Variants in INTS13 observed in about 807,000 individuals in gnomAD.
The protein encoded by INTS13 is asunder, spermatogenesis regulator homolog (Drosphila).
In INTS13, 35 loss-of-function variants were observed where a neutral mutation model predicts 90.2. The observed-to-expected ratio is 0.39, with a 90% confidence interval of 0.30 to 0.51. The LOEUF is 0.51. Among genes scored for constraint, INTS13 ranks in the 20% least tolerant of loss-of-function variants. INTS13 has a pLI of 0.80. For synonymous variants in INTS13, 309 were observed against 277.1 expected (o/e 1.11, Z -1.14); for missense variants, 601 against 851.2 (o/e 0.71, Z 3.66).
At position 26,917,654 on chromosome 12, in the gene INTS13, T is replaced by C; in HGVS notation, c.969A>G (p.Thr323=). 6.2e-7 allele frequency: 1 copy of C among 1,613,370 alleles called. No homozygotes were observed. The highest frequency in any genetic ancestry group is 2.2e-5 in the East Asian group (1 of 44,864). Residue 323 remains threonine (T), a synonymous_variant, in exon 9 of 17, where the codon ACA becomes ACG. Coordinates refer to ENST00000261191, the MANE Select transcript of INTS13 (RefSeq NM_018164.3). ...TITLKWCTPR[T]NNIELHYCTG... ...TTCTTAAATACCTACCAATGTTATTTGTCCTTGGTGTACACCACTTTAATG... is the reference window on the plus strand; with the variant it reads ...TTCTTAAATACCTACCAATGTTATTCGTCCTTGGTGTACACCACTTTAATG...
At chr12:26,925,066 CAA>C (rs1308003582) in intron 6 of INTS13, among the ~76,000 whole-genome samples, 2 of 151,998 alleles carry the variant, frequency 1.3e-5, no homozygotes, top group African/African-American at 4.8e-5. Flanking sequence ...GCCACATTAT[CAA>C]AAGAGGCAGA....
chr12:26,936,642 G>GC lies in INTS13; in HGVS notation c.161dup (p.Cys54TrpfsTer11). 1.2e-6 allele frequency: 2 copies of GC among 1,613,532 alleles called. No individual in the cohort carries two copies. Among genetic ancestry groups the GC allele is most frequent in the Non-Finnish European group, 1.7e-6 (2 of 1,179,532 alleles). On this transcript the variant is annotated frameshift_variant, in exon 2 of 17. Transcript: ENST00000261191. LOFTEE classifies it high-confidence loss of function. Reference sequence around the variant, plus strand: ...AATATTCCATGGAAGATTCTACTGAGCAAGTCCACAATGATTTAGATATGG... The same window carrying GC: ...AATATTCCATGGAAGATTCTACTGAGCCAAGTCCACAATGATTTAGATATGG...
At chr12:26,931,307 G>A (rs1938175750) in intron 3 of INTS13, among the ~76,000 whole-genome samples, 1 of 152,066 alleles carries the variant, frequency 6.6e-6, no homozygotes, top group South Asian at 2.1e-4. Context: ...AGCCAGGCAT[G>A]GTGGCACACA....
intron 15 of INTS13, among the ~76,000 whole-genome samples, chr12:26,908,784 A>C (rs1192270217): frequency 6.6e-6 from 1 of 152,224 alleles, no homozygotes; most frequent in Admixed American, 6.5e-5. Context: ...GGAAAAAACA[A>C]ACACTTTTCA....
At chr12:26,909,216 C>T (rs1316825218) in intron 15 of INTS13, among the ~76,000 whole-genome samples, 1 of 152,074 alleles carries the variant, frequency 6.6e-6, no homozygotes, top group Admixed American at 6.5e-5. Context: ...TAAAAATTAG[C>T]TGGGTGTGGT....
intron 15 of INTS13, among the ~76,000 whole-genome samples, chr12:26,910,405 A>G (rs951468642): frequency 1.2e-4 from 19 of 152,192 alleles, no homozygotes; most frequent in African/African-American, 7.2e-5. Flanking sequence ...ACTGACAAAT[A>G]TATTTACTGC....
chr12:26,934,500 A>G (rs1938360431), intron 3 of INTS13, 56 bp downstream of exon 3: 2 of 1,249,880 alleles, frequency 1.6e-6, no homozygotes, highest in African/African-American at 3.0e-5. Flanking sequence ...TTTTTTAAAA[A>G]GTATTACCAC....
chr12:26,934,485 G>A (rs1192106539), intron 3 of INTS13, 71 bp downstream of exon 3: 5 of 1,112,956 alleles, frequency 4.5e-6, no homozygotes, highest in Non-Finnish European at 6.7e-6. Context: ...TAAAAAATTA[G>A]TCATTTTTTT....
At chr12:26,938,009 A>ACACACACG (rs552231888), upstream of INTS13, 1,206 of 152,588 alleles carry the variant, frequency 7.9e-3, 6 homozygotes, top group Middle Eastern at 0.031. Context: ...ACACACACAC[A>ACACACACG]CGCACTCGGG....
chr12:26,917,712 C>A lies in INTS13; in HGVS notation c.911G>T (p.Gly304Val). 1 of 1,613,874 alleles carries A rather than the reference C, an allele frequency of 6.2e-7. No homozygotes were observed. The highest frequency in any genetic ancestry group is 8.5e-7 in the Non-Finnish European group (1 of 1,179,822). Residue 304 changes from glycine (G) to valine (V), a missense_variant, in exon 9 of 17, where the codon GGC (glycine) becomes GTC (valine). Physicochemically the swap from Gly to Val is moderately radical, Grantham distance 109. Coordinates refer to ENST00000261191, the MANE Select transcript of INTS13 (RefSeq NM_018164.3). The stretch of plus-strand genomic sequence containing the variant: ...TTCTTTAAACGAGCCTTCTCGACTG[C>A]CGCCACCTAGATGCGAATCACCTTT... ...LKSGDSHLGGGSREGSFKETI... is the reference protein window; with the variant it reads ...LKSGDSHLGGVSREGSFKETI...
intron 8 of INTS13, among the ~76,000 whole-genome samples, chr12:26,922,050 A>G (rs971624162): frequency 2.6e-5 from 4 of 152,220 alleles, no homozygotes; most frequent in Non-Finnish European, 5.9e-5. Flanking sequence ...GAAGTCTCAC[A>G]CTATGCCACT....
At chr12:26,914,239 G>A in intron 12 of INTS13, 111 bp from the exon 13 acceptor site, 1 of 1,191,496 alleles carries the variant, frequency 8.4e-7, no homozygotes, top group South Asian at 1.7e-5. Flanking sequence ...CATGGTGAAG[G>A]AATCTATAAC....
intron 13 of INTS13, 134 bp from the exon 14 acceptor site, chr12:26,913,821 A>G (rs964328864): frequency 9.0e-7 from 1 of 1,110,992 alleles, no homozygotes; most frequent in Non-Finnish European, 1.3e-6. Context: ...CTAGGCTACA[A>G]TATATCCATT....
chr12:26,928,765 G>C lies in INTS13; in HGVS notation c.441C>G (p.Leu147=). 1 of 1,614,122 alleles carries C rather than the reference G, an allele frequency of 6.2e-7. No individual in the cohort carries two copies. Among genetic ancestry groups the C allele is most frequent in the East Asian group, 2.2e-5 (1 of 44,870 alleles). ...TTCCAACACGTTCTGCATTCTCCATGAGTAGAGTACGAGCCTCATGTTGGT... is the reference window on the plus strand; with the variant it reads ...TTCCAACACGTTCTGCATTCTCCATCAGTAGAGTACGAGCCTCATGTTGGT... ...TEYQHEARTL[L]MENAERVGNR... The change falls in exon 4 of 17, where the codon CTC becomes CTG. Residue 147 remains leucine (L), a synonymous_variant. Coordinates refer to ENST00000261191, the MANE Select transcript of INTS13 (RefSeq NM_018164.3).
intron 15 of INTS13, among the ~76,000 whole-genome samples, chr12:26,908,727 T>C (rs1951686676): frequency 6.6e-6 from 1 of 152,084 alleles, no homozygotes; most frequent in Non-Finnish European, 1.5e-5. Context: ...CCCAGATCAG[T>C]TGCTGATCAG....
At chr12:26,932,615 T>C (rs1938256385) in intron 3 of INTS13, among the ~76,000 whole-genome samples, 1 of 152,234 alleles carries the variant, frequency 6.6e-6, no homozygotes. Context: ...GGAAATGTTC[T>C]CTATCTGTGC....
At chr12:26,913,930 CAAGTAAATGTGATCTATA>C (rs1479675383) in intron 13 of INTS13, 26 bp downstream of exon 13, 4 of 1,528,590 alleles carry the variant, frequency 2.6e-6, no homozygotes, top group Non-Finnish European at 3.5e-6. Context: ...CAATATGTAT[CAAGTAAATGTGATCTATA>C]AAGTAAGAAA....
Position 26,913,462 on chromosome 12 carries a change from T to C in INTS13, c.1800A>G (p.Ser600=). Residue 600 remains serine, a synonymous_variant, in exon 14 of 17, where the codon TCA becomes TCG. Transcript: ENST00000261191. ...DYEQEKSWQD[S]ERLKGILERG... ...TATCAATGCCAGGAAGTCACCTCTC[T>C]GAGTCTTGCCAAGACTTTTCCTGTT... The C allele has an allele frequency of 6.2e-7, 1 of 1,613,710 alleles. No individual in the cohort carries two copies. Among genetic ancestry groups the C allele is most frequent in the Non-Finnish European group, 8.5e-7 (1 of 1,179,644 alleles).
chr12:26,921,348 C>G (rs999784011), intron 8 of INTS13, among the ~76,000 whole-genome samples: 2 of 152,206 alleles, frequency 1.3e-5, no homozygotes, highest in African/African-American at 4.8e-5. Context: ...ATCACTCTTT[C>G]GAGTTTGCTC....
Sources: gnomAD v4.1 joint callset for allele counts (sites outside exome capture counted in the v4.1 genomes callset) on GRCh38, gnomAD v4.1.1 for gene constraint, MANE v1.5 for transcripts, NCBI Gene and HGNC (gene_info 2026-07-23, HGNC 2026-07-21) for gene names.